The following SEMA6D variants were observed in gnomAD, a reference collection of about 807,000 sequenced individuals.
SEMA6D encodes semaphorin 6D.
In SEMA6D, 35 loss-of-function variants were observed where a neutral mutation model predicts 106.6. The observed-to-expected ratio is 0.33, with a 90% CI of 0.25 to 0.44. The LOEUF is 0.44. SEMA6D is among the 20% of genes least tolerant of loss of function. The pLI is 1.00. For missense variants in SEMA6D, 1,185 were observed against 1,345.9 expected, an observed-to-expected ratio of 0.88 and a Z score of 1.87; for synonymous variants, 499 against 487.7, an observed-to-expected ratio of 1.02 and a Z score of -0.31.
Position 47,314,897 on chromosome 15 carries a change from G to A in SEMA6D, c.-238-97496G>A, listed in dbSNP as rs1316957673. ...TTTTTTTTTTTTGAGACGGAGTCTC[G>A]CTCTGTGGCCCAGGCGAGAGTGCAG... is the stretch of plus-strand genomic sequence containing the variant. On this transcript the variant is annotated intron_variant, in intron 1 of 19. Coordinates refer to the SEMA6D transcript ENST00000558014. Among the ~76,000 whole-genome samples, 10 of 129,016 alleles carry A rather than the reference G, an allele frequency of 7.8e-5. No individual in the cohort carries two copies. The South Asian group carries it at 1.3e-3, about 16-fold the overall frequency. 84.6% of individuals were successfully genotyped at this position (129,016 alleles called of 152,430 possible). A position where few individuals can be genotyped will look rare whatever the true frequency, so the allele number is the denominator to read the frequency against.
intron 2 of SEMA6D, among the ~76,000 whole-genome samples, chr15:47,467,115 C>A (rs983113711): frequency 1.3e-5 from 2 of 151,932 alleles, no homozygotes; most frequent in African/African-American, 4.8e-5. Context: ...ATAAGGGTTC[C>A]CTTTTCTTCA....
intron 2 of SEMA6D, among the ~76,000 whole-genome samples, chr15:47,466,979 T>A (rs951017542): frequency 2.2e-4 from 33 of 151,642 alleles, no homozygotes; most frequent in African/African-American, 7.3e-4. Flanking sequence ...TCTACCGACC[T>A]TGGCCTGCCA....
At chr15:47,614,384 C>T (rs965668696) in intron 4 of SEMA6D, among the ~76,000 whole-genome samples, 25 of 152,192 alleles carry the variant, frequency 1.6e-4, no homozygotes, top group Admixed American at 1.1e-3. Context: ...GTCAACATTG[C>T]TGCTGTTTGT....
chr15:47,697,675 T>C (rs2078727990), intron 4 of SEMA6D, among the ~76,000 whole-genome samples: 1 of 152,242 alleles, frequency 6.6e-6, no homozygotes, highest in African/African-American at 2.4e-5. Flanking sequence ...TCAAAATCTC[T>C]CCTTCTGTAT....
intron 1 of SEMA6D, among the ~76,000 whole-genome samples, chr15:47,288,396 C>T (rs893624038): frequency 2.6e-5 from 4 of 152,172 alleles, no homozygotes; most frequent in Non-Finnish European, 4.4e-5. Context: ...AGTTGTTTTG[C>T]TTGCTCCGTT....
intron 1 of SEMA6D, among the ~76,000 whole-genome samples, chr15:47,736,899 T>C (rs1325971049): frequency 2.0e-5 from 3 of 152,186 alleles, no homozygotes; most frequent in Non-Finnish European, 2.9e-5. Context: ...AATTCTTAAC[T>C]TTTAATACAA....
At chr15:47,679,699 T>C (rs545920722) in intron 4 of SEMA6D, among the ~76,000 whole-genome samples, 12 of 152,332 alleles carry the variant, frequency 7.9e-5, no homozygotes, top group African/African-American at 2.9e-4. Context: ...AATAAATTTC[T>C]CCATGGGAAA....
chr15:47,227,343 T>C (rs2031751288), intron 1 of SEMA6D, among the ~76,000 whole-genome samples: 1 of 152,020 alleles, frequency 6.6e-6, no homozygotes, highest in South Asian at 2.1e-4. Flanking sequence ...GTTTCTGGTT[T>C]GCTCTGATTT....
chr15:47,701,608 T>C (rs990818985), intron 4 of SEMA6D, among the ~76,000 whole-genome samples: 2 of 152,216 alleles, frequency 1.3e-5, no homozygotes, highest in African/African-American at 2.4e-5. Context: ...CTTTAAAACA[T>C]GTTGTACAGA....
intron 4 of SEMA6D, among the ~76,000 whole-genome samples, chr15:47,632,076 A>C (rs2077302629): frequency 6.6e-6 from 1 of 151,720 alleles, no homozygotes; most frequent in African/African-American, 2.4e-5. Flanking sequence ...TTAATTTTCA[A>C]GTATTTGGAG....
chr15:47,613,241 A>G lies in SEMA6D; in HGVS notation c.-55+12345A>G, dbSNP rs534947338. Among the ~76,000 whole-genome samples, 10 of 152,316 alleles carry G rather than the reference A, an allele frequency of 6.6e-5. No homozygotes were observed. In the East Asian group the frequency reaches 1.9e-3, roughly 29 times the overall value. The stretch of plus-strand genomic sequence containing the variant: ...CTATCCTACACCTTCAATTGGTGGA[A>G]GGGTAGGTTTGAGCCTCATTTATTC... On this transcript the variant is annotated intron_variant, in intron 4 of 19. Transcript: ENST00000558014.
intron 1 of SEMA6D, among the ~76,000 whole-genome samples, chr15:47,231,068 G>T (rs189931286): frequency 1.3e-5 from 2 of 151,820 alleles, no homozygotes; most frequent in Middle Eastern, 3.4e-3. Context: ...AAAAGAAAAG[G>T]CCTGGCCATT....
intron 1 of SEMA6D, among the ~76,000 whole-genome samples, chr15:47,319,230 A>C (rs559039968): frequency 1.3e-5 from 2 of 152,332 alleles, no homozygotes; most frequent in African/African-American, 4.8e-5. Flanking sequence ...TTATTCATTG[A>C]AGCCCTTAGC....
intron 4 of SEMA6D, among the ~76,000 whole-genome samples, chr15:47,707,941 A>T (rs149689191): frequency 6.6e-6 from 1 of 152,306 alleles, no homozygotes; most frequent in Non-Finnish European, 1.5e-5. Flanking sequence ...AGAAACTTGG[A>T]AAAATCTCCC....
At chr15:47,441,820 T>C (rs141715413) in intron 2 of SEMA6D, among the ~76,000 whole-genome samples, 3 of 152,174 alleles carry the variant, frequency 2.0e-5, no homozygotes, top group African/African-American at 7.2e-5. Flanking sequence ...GATGGCTGAT[T>C]TCCACGTGGT....
intron 1 of SEMA6D, among the ~76,000 whole-genome samples, chr15:47,379,861 A>G (rs2145591314): frequency 6.6e-6 from 1 of 152,130 alleles, no homozygotes; most frequent in East Asian, 1.9e-4. Flanking sequence ...GGATTCAAAC[A>G]ATTCTTCTGC....
At chr15:47,693,866 C>T (rs2078643115) in intron 4 of SEMA6D, among the ~76,000 whole-genome samples, 1 of 151,964 alleles carries the variant, frequency 6.6e-6, no homozygotes, top group African/African-American at 2.4e-5. Context: ...ATCACTTGAG[C>T]CCAAGAGTTA....
intron 3 of SEMA6D, among the ~76,000 whole-genome samples, chr15:47,494,745 T>G (rs188234971): frequency 0.012 from 424 of 35,496 alleles, 5 homozygotes; most frequent in African/African-American, 0.067. Flanking sequence ...GATGGAGATA[T>G]ATATATATAT....
chr15:47,383,896 C>A (rs1048897298), intron 1 of SEMA6D, among the ~76,000 whole-genome samples: 5 of 152,172 alleles, frequency 3.3e-5, no homozygotes, highest in Admixed American at 6.5e-5. Context: ...TCAAAAGCAT[C>A]TCTGTATATC....
Sources: gnomAD v4.1 joint callset for allele counts (sites outside exome capture counted in the v4.1 genomes callset) on GRCh38, gnomAD v4.1.1 for gene constraint, MANE v1.5 for transcripts, NCBI Gene and HGNC (gene_info 2026-07-23, HGNC 2026-07-21) for gene names.